The following ZNG1E variants were observed in gnomAD, a reference collection of about 807,000 sequenced individuals.
ZNG1E encodes the protein zinc-regulated GTPase metalloprotein activator 1E.
At chr9:65,663,568 T>C in the ZNG1E span, among the ~76,000 whole-genome samples, 1 of 143,318 alleles carries the variant, frequency 7.0e-6, no homozygotes, top group Non-Finnish European at 1.5e-5. Context: ...GCCAAACTTA[T>C]TTAGCCATTC....
At chr9:65,693,594 G>A in the ZNG1E span, 3 of 805,204 alleles carry the variant, frequency 3.7e-6, no homozygotes, top group Admixed American at 4.3e-5. Flanking sequence ...GTCTCACTCT[G>A]TTGCCCAGGC....
At chr9:65,709,404 A>C in the ZNG1E span, among the ~76,000 whole-genome samples, 1 of 147,646 alleles carries the variant, frequency 6.8e-6, no homozygotes, top group Middle Eastern at 3.4e-3. Flanking sequence ...CACAATGTGC[A>C]GGTTAGTTAC....
At chr9:65,679,757 G>A in the ZNG1E span, among the ~76,000 whole-genome samples, 9 of 152,336 alleles carry the variant, frequency 5.9e-5, no homozygotes, top group South Asian at 1.7e-3. Flanking sequence ...GTTTCACCAT[G>A]TTGGCCAGGA....
the ZNG1E span, among the ~76,000 whole-genome samples, chr9:65,675,623 C>G: frequency 6.7e-6 from 1 of 149,400 alleles, no homozygotes; most frequent in South Asian, 2.1e-4. Context: ...AGCAGGCTAG[C>G]CTCAGCTCTA....
the ZNG1E span, among the ~76,000 whole-genome samples, chr9:65,664,729 T>C: frequency 6.6e-6 from 1 of 152,082 alleles, no homozygotes; most frequent in African/African-American, 2.4e-5. Context: ...GACAGGAATA[T>C]GTGGGAAAGT....
At chr9:65,710,036 G>T in the ZNG1E span, among the ~76,000 whole-genome samples, 1 of 146,684 alleles carries the variant, frequency 6.8e-6, no homozygotes, top group Non-Finnish European at 1.5e-5. Context: ...ACTTTTTAAT[G>T]ATTGCCATTC....
chr9:65,660,114 G>C, the ZNG1E span, among the ~76,000 whole-genome samples: 1 of 125,754 alleles, frequency 8.0e-6, no homozygotes, highest in Non-Finnish European at 1.6e-5. Flanking sequence ...CAGAAGAAAA[G>C]GGAATCTGCA....
the ZNG1E span, among the ~76,000 whole-genome samples, chr9:65,660,926 A>T: frequency 6.8e-6 from 1 of 146,482 alleles, no homozygotes; most frequent in African/African-American, 2.5e-5. Context: ...TAAGGAGCTT[A>T]CAAGAATGAA....
At chr9:65,711,151 CTT>C in the ZNG1E span, among the ~76,000 whole-genome samples, 2 of 37,308 alleles carry the variant, frequency 5.4e-5, 1 homozygote, top group East Asian at 9.7e-4. Context: ...ATTTGGCTCT[CTT>C]TGTCTGTTGT....
chr9:65,706,873 A>G, the ZNG1E span: 21 of 144,614 alleles, frequency 1.5e-4, no homozygotes, highest in Non-Finnish European at 1.8e-4. Context: ...AAACTGTTGA[A>G]TTTGATATTC....
At chr9:65,708,341 A>T in the ZNG1E span, 2 of 148,052 alleles carry the variant, frequency 1.4e-5, no homozygotes, top group Admixed American at 6.7e-5. Flanking sequence ...TAATTCTAAG[A>T]GAAATAATGT....
chr9:65,714,735 TGAG>T, the ZNG1E span, among the ~76,000 whole-genome samples: 4 of 151,206 alleles, frequency 2.6e-5, no homozygotes, highest in Non-Finnish European at 4.4e-5. Context: ...GGGACCCACT[TGAG>T]GAGGCAGTCT....
At chr9:65,671,666 T>C in the ZNG1E span, among the ~76,000 whole-genome samples, 3 of 152,186 alleles carry the variant, frequency 2.0e-5, no homozygotes, top group Admixed American at 1.3e-4. Context: ...GGGTTACTTT[T>C]CTGTAAGGGA....
chr9:65,678,647 A>G, the ZNG1E span, among the ~76,000 whole-genome samples: 5 of 139,978 alleles, frequency 3.6e-5, no homozygotes, highest in Non-Finnish European at 6.1e-5. Context: ...ACGGTTCACA[A>G]GACTTTTTTT....
chr9:65,680,921 T>G, the ZNG1E span, among the ~76,000 whole-genome samples: 2 of 152,216 alleles, frequency 1.3e-5, no homozygotes, highest in African/African-American at 4.8e-5. Context: ...CCTGAGTAGC[T>G]GGGACTACAG....
At chr9:65,671,757 C>G in the ZNG1E span, among the ~76,000 whole-genome samples, 1 of 149,144 alleles carries the variant, frequency 6.7e-6, no homozygotes, top group Non-Finnish European at 1.5e-5. Context: ...TATTTTGGGA[C>G]CTGTTTTTTA....
At chr9:65,681,000 G>A in the ZNG1E span, among the ~76,000 whole-genome samples, 1 of 152,136 alleles carries the variant, frequency 6.6e-6, no homozygotes, top group African/African-American at 2.4e-5. Flanking sequence ...GTGTTAGCGA[G>A]GGTGGTCTCG....
At chr9:65,662,567 A>C in the ZNG1E span, among the ~76,000 whole-genome samples, 1 of 151,862 alleles carries the variant, frequency 6.6e-6, no homozygotes. Context: ...AAAATGAGTT[A>C]GAAAATTAAA....
the ZNG1E span, among the ~76,000 whole-genome samples, chr9:65,665,252 G>T: frequency 2.0e-5 from 3 of 152,276 alleles, no homozygotes; most frequent in Non-Finnish European, 4.4e-5. Flanking sequence ...AGAGGTTTAG[G>T]AGGAAAAAGT....
Sources: gnomAD v4.1 joint callset for allele counts (sites outside exome capture counted in the v4.1 genomes callset) on GRCh38, gnomAD v4.1.1 for gene constraint, MANE v1.5 for transcripts, NCBI Gene and HGNC (gene_info 2026-07-23, HGNC 2026-07-21) for gene names.